Variants in WDR7 observed in about 807,000 individuals in gnomAD.
The protein encoded by WDR7 is WD repeat-containing protein 7.
WDR7 carries 46 observed loss-of-function variants against 169.4 expected under a neutral mutation model. That is an observed-to-expected ratio of 0.27 (90% CI 0.21 to 0.35). The LOEUF (loss-of-function observed/expected upper bound fraction) is 0.35, where lower values mean the gene tolerates loss of function less well. Among genes scored for constraint, WDR7 ranks in the 10% least tolerant of loss-of-function variants. WDR7 has a pLI of 1.00. For synonymous variants in WDR7, 612 were observed against 666.8 expected, an observed-to-expected ratio of 0.92 and a Z score of 1.27; for missense variants, 1,534 against 1,859.3, an observed-to-expected ratio of 0.83 and a Z score of 3.22.
At chr18:56,847,851 G>C (rs932980126) in intron 20 of WDR7, among the ~76,000 whole-genome samples, 14 of 152,232 alleles carry the variant, frequency 9.2e-5, no homozygotes, top group South Asian at 4.1e-4. Flanking sequence ...AAGGAGACTT[G>C]AAAGATTCCC....
intron 20 of WDR7, among the ~76,000 whole-genome samples, chr18:56,830,223 G>A (rs1190004133): frequency 6.6e-6 from 1 of 152,132 alleles, no homozygotes; most frequent in Non-Finnish European, 1.5e-5. Flanking sequence ...TAATTTTGAT[G>A]TTTTGGTGTA....
chr18:56,812,915 C>G lies in WDR7; in HGVS notation c.3191-3116C>G, dbSNP rs546565585. On this transcript the variant is annotated intron_variant, in intron 19 of 27. Transcript: ENST00000254442. ...ACACATAACCAGAGGTAATACTTTA[C>G]CGGCTCTCTAGGTATCCCTTAATCC... 5.3e-5 allele frequency among the ~76,000 whole-genome samples: 8 copies of G among 151,876 alleles called. 1 individual carries two copies. The South Asian group carries it at 1.7e-3, about 32-fold the overall frequency.
intron 26 of WDR7, among the ~76,000 whole-genome samples, chr18:56,982,005 GA>G (rs11415396): frequency 1.3e-5 from 2 of 151,868 alleles, no homozygotes; most frequent in African/African-American, 4.8e-5. Context: ...GATATGCCAT[GA>G]AAAAAATACT....
At chr18:56,674,976 A>G (rs933471618) in intron 2 of WDR7, among the ~76,000 whole-genome samples, 6 of 152,146 alleles carry the variant, frequency 3.9e-5, no homozygotes, top group Non-Finnish European at 8.8e-5. Context: ...AAATCAATTG[A>G]CCATAAATGT....
intron 20 of WDR7, among the ~76,000 whole-genome samples, chr18:56,879,636 A>G (rs1270324670): frequency 6.6e-6 from 1 of 152,138 alleles, no homozygotes. Context: ...TGCTTTTGGT[A>G]TCATATCTAA....
At position 56,756,717 on chromosome 18, in the gene WDR7, T is replaced by G; in HGVS notation, c.2124T>G (p.Ser708=). The change falls in exon 15 of 28, where the codon TCT becomes TCG. Residue 708 remains serine, a synonymous_variant. Coordinates refer to ENST00000254442, the MANE Select transcript of WDR7 (RefSeq NM_015285.3). ...LIIQLLTEEA[S]RPNTALISPE... Reference sequence around the variant, plus strand: ...TTCAACTCCTGACTGAAGAAGCCTCTAGGCCGAATACTGCTCTTATTTCCC... The same window carrying G: ...TTCAACTCCTGACTGAAGAAGCCTCGAGGCCGAATACTGCTCTTATTTCCC... 6.2e-7 allele frequency: 1 copy of G among 1,614,218 alleles called. No individual in the cohort carries two copies. The highest frequency in any genetic ancestry group is 8.5e-7 in the Non-Finnish European group (1 of 1,180,038).
At chr18:56,726,628 A>G (rs952545856) in intron 13 of WDR7, among the ~76,000 whole-genome samples, 4 of 152,062 alleles carry the variant, frequency 2.6e-5, no homozygotes, top group Non-Finnish European at 4.4e-5. Context: ...TCTTTTCCTA[A>G]TTGAATACCC....
At chr18:56,971,140 T>C (rs2047478535) in intron 26 of WDR7, among the ~76,000 whole-genome samples, 1 of 151,952 alleles carries the variant, frequency 6.6e-6, no homozygotes, top group African/African-American at 2.4e-5. Context: ...AGCATGGTGA[T>C]AGGTGCCTGT....
chr18:56,923,111 A>AC lies in WDR7; in HGVS notation c.3527-811_3527-810insC, dbSNP rs1472356793. Among the ~76,000 whole-genome samples, 8 of 152,326 alleles carry AC rather than the reference A, an allele frequency of 5.3e-5. No individual in the cohort carries two copies. In the East Asian group the frequency reaches 1.5e-3, roughly 29 times the overall value. On this transcript the variant is annotated intron_variant, in intron 21 of 27. Transcript: ENST00000254442. ...AACTATTTTCTTTCTTCCCCTCAAAAAAACAAACAAACAAAAACTCTTCTA... is the reference window on the plus strand; with the variant it reads ...AACTATTTTCTTTCTTCCCCTCAAAACAAACAAACAAACAAAAACTCTTCTA...
chr18:56,761,591 C>T lies in WDR7; in HGVS notation c.2848+2638C>T, dbSNP rs187100974. On this transcript the variant is annotated intron_variant, in intron 16 of 27. Transcript: ENST00000254442. ...AGATAAGTTTGGAGATAATTAATAT[C>T]TTTATGGGATTCACTCATTATACAT... Among the ~76,000 whole-genome samples the T allele has an allele frequency of 1.9e-3, 289 of 151,998 alleles. 1 individual carries two copies. Among genetic ancestry groups the T allele is most frequent in the African/African-American group, 6.6e-3 (275 of 41,480 alleles).
intron 12 of WDR7, among the ~76,000 whole-genome samples, chr18:56,714,280 A>G (rs1164806653): frequency 6.6e-6 from 1 of 152,038 alleles, no homozygotes; most frequent in African/African-American, 2.4e-5. Context: ...AGTACCTCTA[A>G]TAACTATGCT....
intron 19 of WDR7, among the ~76,000 whole-genome samples, chr18:56,801,807 G>A (rs1487007457): frequency 6.6e-6 from 1 of 152,124 alleles, no homozygotes; most frequent in African/African-American, 2.4e-5. Flanking sequence ...GCTAAATAGT[G>A]TTTTATTATG....
At chr18:56,903,062 T>C (rs1291420114) in intron 21 of WDR7, among the ~76,000 whole-genome samples, 1 of 152,200 alleles carries the variant, frequency 6.6e-6, no homozygotes, top group Non-Finnish European at 1.5e-5. Flanking sequence ...ATCAAGGTGA[T>C]TGCCCGTTGG....
chr18:56,825,303 A>C (rs765925299), intron 20 of WDR7, among the ~76,000 whole-genome samples: 3 of 152,230 alleles, frequency 2.0e-5, no homozygotes, highest in Non-Finnish European at 4.4e-5. Flanking sequence ...GGGTTTGGGC[A>C]AATAAATAGT....
At chr18:56,994,380 C>A (rs60080924) in intron 26 of WDR7, among the ~76,000 whole-genome samples, 53,434 of 151,854 alleles carry the variant, frequency 0.35, 10,453 homozygotes, top group African/African-American at 0.52. Context: ...TATGTATGTT[C>A]TGTTGAAGTA....
intron 12 of WDR7, among the ~76,000 whole-genome samples, chr18:56,705,479 A>G (rs563280064): frequency 2.6e-5 from 4 of 152,080 alleles, no homozygotes; most frequent in Non-Finnish European, 5.9e-5. Context: ...AATATATATG[A>G]TATTTGAATA....
At chr18:56,885,766 G>A (rs1000426550) in intron 21 of WDR7, among the ~76,000 whole-genome samples, 3 of 150,746 alleles carry the variant, frequency 2.0e-5, no homozygotes, top group African/African-American at 4.9e-5. Flanking sequence ...GGCGGAGTTC[G>A]CAGTGAGCCG....
At chr18:56,914,102 C>G (rs539146051) in intron 21 of WDR7, among the ~76,000 whole-genome samples, 1 of 152,196 alleles carries the variant, frequency 6.6e-6, no homozygotes, top group Non-Finnish European at 1.5e-5. Flanking sequence ...TCATGTCCTA[C>G]CACTCTGCCT....
chr18:56,681,470 A>G (rs2025349123), intron 4 of WDR7, 79 bp downstream of exon 4: 3 of 919,332 alleles, frequency 3.3e-6, no homozygotes, highest in Non-Finnish European at 4.6e-6. Context: ...CATTGAGCCT[A>G]TATTTTTATA....
Sources: gnomAD v4.1 joint callset for allele counts (sites outside exome capture counted in the v4.1 genomes callset) on GRCh38, gnomAD v4.1.1 for gene constraint, MANE v1.5 for transcripts, NCBI Gene and HGNC (gene_info 2026-07-23, HGNC 2026-07-21) for gene names.